Variants in ME1 observed in about 807,000 individuals in gnomAD.
ME1 encodes malic enzyme 1.
ME1 carries 74 observed loss-of-function variants against 66.4 expected under a neutral mutation model. The observed-to-expected ratio is 1.11, with a 90% CI of 0.92 to 1.35. The LOEUF (loss-of-function observed/expected upper bound fraction) is 1.35, where lower values mean the gene tolerates loss of function less well. Ranked by LOEUF, ME1 falls within the 40% of genes most tolerant of loss-of-function variation. The pLI is 0.00. For synonymous variants in ME1, 251 were observed against 235.6 expected (o/e 1.07, Z -0.60); for missense variants, 750 against 694.1 (o/e 1.08, Z -0.90).
chr6:83,398,841 C>T (rs1209392564), intron 2 of ME1, among the ~76,000 whole-genome samples: 3 of 149,790 alleles, frequency 2.0e-5, no homozygotes, highest in Admixed American at 6.7e-5. Context: ...TGGTGGCTCA[C>T]GCCTGTAATC....
intron 7 of ME1, among the ~76,000 whole-genome samples, chr6:83,249,405 C>T (rs1180197): frequency 0.44 from 67,195 of 151,640 alleles, 15,938 homozygotes; most frequent in African/African-American, 0.63. Flanking sequence ...TTTTGTATTT[C>T]TAGTAGAGAT....
intron 9 of ME1, among the ~76,000 whole-genome samples, chr6:83,235,088 T>A (rs1790374026): frequency 6.6e-6 from 1 of 152,162 alleles, no homozygotes; most frequent in African/African-American, 2.4e-5. Flanking sequence ...ATTTAAGATA[T>A]CCATGGAGAC....
intron 2 of ME1, among the ~76,000 whole-genome samples, chr6:83,405,701 G>GTT (rs1251931728): frequency 2.1e-5 from 3 of 141,412 alleles, no homozygotes; most frequent in African/African-American, 8.5e-5. Context: ...TTTATTGAGA[G>GTT]TTTTTTTTGT....
chr6:83,309,676 G>A (rs1767894632), intron 6 of ME1, among the ~76,000 whole-genome samples: 1 of 152,082 alleles, frequency 6.6e-6, no homozygotes, highest in Admixed American at 6.6e-5. Context: ...AAAGATTTGG[G>A]AGTCACAAAT....
At chr6:83,395,938 C>T (rs1562002028) in intron 3 of ME1, among the ~76,000 whole-genome samples, 1 of 151,740 alleles carries the variant, frequency 6.6e-6, no homozygotes, top group African/African-American at 2.4e-5. Flanking sequence ...TAAACTCCAA[C>T]AAAAAACTGT....
intron 12 of ME1, among the ~76,000 whole-genome samples, chr6:83,217,686 A>G (rs1037655127): frequency 5.9e-5 from 9 of 152,148 alleles, no homozygotes; most frequent in African/African-American, 2.2e-4. Context: ...AGGCAAACCT[A>G]CAGGAAAGCC....
rs543821290 is a variant in ME1 at position 83,339,863 on chromosome 6, T to C, written c.600+6310A>G. ...GAGGGATAGCATTGGGAGATATACC[T>C]AATGCTAGATGACACGTTAGTGGGT... On this transcript the variant is annotated intron_variant, in intron 5 of 13. Transcript: ENST00000369705. 1.0e-4 allele frequency among the ~76,000 whole-genome samples: 13 copies of C among 127,122 alleles called. No individual in the cohort carries two copies. The East Asian group carries it at 3.1e-3, about 30-fold the overall frequency. 83.4% of individuals were successfully genotyped at this position (127,122 alleles called of 152,430 possible).
Position 83,315,326 on chromosome 6 carries a change from C to G in ME1, c.688G>C (p.Glu230Gln). The G allele has an allele frequency of 6.2e-7, 1 of 1,605,950 alleles. No homozygotes were observed. The highest frequency in any genetic ancestry group is 8.5e-7 in the Non-Finnish European group (1 of 1,173,442). ...EYDDFLDEFM[E>Q]AVSSKYGMNC... ...GATACATACTTGGAAGAAACTGCCT[C>G]CATGAATTCGTCCAAAAAATCATCA... The change falls in exon 6 of 14, where the codon GAG becomes CAG. Residue 230 changes from glutamate (E) to glutamine (Q), a missense_variant. Transcript: ENST00000369705.
intron 9 of ME1, among the ~76,000 whole-genome samples, 197 bp downstream of exon 9, chr6:83,237,520 A>T (rs985958998): frequency 3.9e-5 from 6 of 152,198 alleles, no homozygotes; most frequent in African/African-American, 1.4e-4. Flanking sequence ...CTCACATTGC[A>T]GATGGAATCT....
intron 1 of ME1, among the ~76,000 whole-genome samples, chr6:83,417,919 T>C (rs531306071): frequency 1.2e-4 from 18 of 152,348 alleles, no homozygotes; most frequent in African/African-American, 4.3e-4. Flanking sequence ...ATGTATACTG[T>C]TTATTTAAAA....
intron 1 of ME1, among the ~76,000 whole-genome samples, chr6:83,422,457 A>G (rs985886317): frequency 1.3e-5 from 2 of 152,194 alleles, no homozygotes; most frequent in South Asian, 2.1e-4. Context: ...AAATCACTCA[A>G]CATAGAAACA....
intron 11 of ME1, among the ~76,000 whole-genome samples, chr6:83,227,118 T>G (rs1790210917): frequency 6.6e-6 from 1 of 152,202 alleles, no homozygotes; most frequent in Non-Finnish European, 1.5e-5. Context: ...AAATTATCAG[T>G]AAAACATTAA....
intron 5 of ME1, among the ~76,000 whole-genome samples, chr6:83,331,317 C>T (rs1045855937): frequency 2.0e-5 from 3 of 152,022 alleles, no homozygotes; most frequent in South Asian, 4.2e-4. Context: ...TGGCCGGGTG[C>T]GGTGGCTCAC....
chr6:83,283,531 A>AT (rs1008529468), intron 6 of ME1, among the ~76,000 whole-genome samples: 1 of 152,130 alleles, frequency 6.6e-6, no homozygotes, highest in African/African-American at 2.4e-5. Flanking sequence ...TGGCACATGT[A>AT]TACCTGTGTA....
chr6:83,359,524 G>A (rs1768966197), intron 3 of ME1, among the ~76,000 whole-genome samples: 1 of 152,192 alleles, frequency 6.6e-6, no homozygotes, highest in South Asian at 2.1e-4. Flanking sequence ...TAATGTTGCA[G>A]CTCAGGGGGT....
chr6:83,412,578 G>A (rs561523315), intron 1 of ME1, among the ~76,000 whole-genome samples: 5 of 152,080 alleles, frequency 3.3e-5, no homozygotes, highest in Non-Finnish European at 7.4e-5. Flanking sequence ...AGTAATAATT[G>A]CAAATAATTT....
At chr6:83,413,857 C>A (rs1035062703) in intron 1 of ME1, among the ~76,000 whole-genome samples, 1 of 151,716 alleles carries the variant, frequency 6.6e-6, no homozygotes, top group Non-Finnish European at 1.5e-5. Flanking sequence ...ACCTGTAATC[C>A]CAGCACATTG....
chr6:83,375,457 T>C (rs965510469), intron 3 of ME1, among the ~76,000 whole-genome samples: 1 of 152,202 alleles, frequency 6.6e-6, no homozygotes, highest in African/African-American at 2.4e-5. Context: ...TCCTGAGACT[T>C]TGCTGCAGTT....
In ME1 at chr6:83,223,915, T is replaced by C; in HGVS notation, c.1294A>G (p.Ser432Gly). 1 of 1,613,690 alleles carries C rather than the reference T, an allele frequency of 6.2e-7. No individual in the cohort carries two copies. The highest frequency in any genetic ancestry group is 8.5e-7 in the Non-Finnish European group (1 of 1,179,864). The change falls in exon 12 of 14, where the codon AGT (serine) becomes GGT (glycine). Residue 432 changes from serine to glycine, a missense_variant. Ser to Gly is a moderately conservative substitution (Grantham distance 56). Coordinates refer to ENST00000369705, the MANE Select transcript of ME1 (RefSeq NM_002395.6). Reference protein sequence around the residue: ...KITKGRAIFASGSPFDPVTLP... With the variant: ...KITKGRAIFAGGSPFDPVTLP... ...GTGACTGGATCAAAAGGACTGCCAC[T>C]GGCAAAAATTGCACGTCCCTACAAC...
Sources: allele counts gnomAD v4.1 joint callset (sites outside exome capture counted in the v4.1 genomes callset), GRCh38; gene constraint gnomAD v4.1.1; transcripts MANE v1.5; gene names NCBI Gene and HGNC (gene_info 2026-07-23, HGNC 2026-07-21).